Variants in CREB5 observed in about 807,000 individuals in gnomAD.
The protein encoded by CREB5 is cAMP responsive element binding protein 5, also known as cyclic AMP-responsive element-binding protein 5.
A neutral mutation model predicts 57.1 loss-of-function variants in CREB5; 19 were observed. That is an observed-to-expected ratio of 0.33 (90% CI 0.23 to 0.49). The LOEUF is 0.49. CREB5 is among the 20% of genes least tolerant of loss of function. CREB5 has a pLI of 0.99. For missense variants in CREB5, 579 were observed against 671.6 expected (o/e 0.86, Z 1.52); for synonymous variants, 238 against 238.3 (o/e 1.00, Z 0.01).
chr7:28,583,287 C>T (rs1186129373), intron 5 of CREB5, among the ~76,000 whole-genome samples: 1 of 152,142 alleles, frequency 6.6e-6, no homozygotes, highest in African/African-American at 2.4e-5. Context: ...AAAGCAAGTA[C>T]CATCTTAAAG....
intron 4 of CREB5, among the ~76,000 whole-genome samples, chr7:28,551,191 A>G (rs1504055): frequency 0.34 from 51,953 of 151,754 alleles, 9,311 homozygotes; most frequent in Non-Finnish European, 0.38. Flanking sequence ...AAAAATCAGT[A>G]TAATCTCCTC....
intron 5 of CREB5, among the ~76,000 whole-genome samples, chr7:28,572,194 G>A (rs1554346143): frequency 6.6e-6 from 1 of 152,138 alleles, no homozygotes; most frequent in Non-Finnish European, 1.5e-5. Flanking sequence ...ATGGGTAATG[G>A]GTAATGACCA....
At chr7:28,516,015 C>G (rs921869791) in intron 4 of CREB5, among the ~76,000 whole-genome samples, 2 of 151,740 alleles carry the variant, frequency 1.3e-5, no homozygotes, top group Non-Finnish European at 2.9e-5. Flanking sequence ...TAAGATTAGC[C>G]TTGGCAACAT....
chr7:28,581,141 A>C (rs1796107271), intron 5 of CREB5, among the ~76,000 whole-genome samples: 1 of 152,234 alleles, frequency 6.6e-6, no homozygotes, highest in South Asian at 2.1e-4. Context: ...CCCCAGCCAA[A>C]AAGCAGCAAG....
intron 1 of CREB5, among the ~76,000 whole-genome samples, chr7:28,337,104 G>A (rs1454586019): frequency 6.6e-6 from 1 of 151,966 alleles, no homozygotes; most frequent in Non-Finnish European, 1.5e-5. Flanking sequence ...GACTTGTTTT[G>A]TGGCCTAACA....
intron 5 of CREB5, among the ~76,000 whole-genome samples, chr7:28,690,386 G>A (rs952154540): frequency 7.2e-5 from 11 of 152,106 alleles, no homozygotes; most frequent in Admixed American, 1.3e-4. Flanking sequence ...CTTCCTCCTC[G>A]CCCTCACATG....
At chr7:28,347,655 T>C (rs971482574) in intron 1 of CREB5, among the ~76,000 whole-genome samples, 1 of 152,106 alleles carries the variant, frequency 6.6e-6, no homozygotes, top group African/African-American at 2.4e-5. Flanking sequence ...AGTGTCCAGG[T>C]TTCAATAGCT....
chr7:28,632,269 T>G (rs1485397162), intron 5 of CREB5, among the ~76,000 whole-genome samples: 1 of 152,168 alleles, frequency 6.6e-6, no homozygotes, highest in Non-Finnish European at 1.5e-5. Context: ...GGAACAGAAC[T>G]TCCTCCCTCT....
At chr7:28,506,634 C>T (rs1305473377) in intron 3 of CREB5, among the ~76,000 whole-genome samples, 1 of 152,190 alleles carries the variant, frequency 6.6e-6, no homozygotes, top group African/African-American at 2.4e-5. Flanking sequence ...AGGCTTTCTT[C>T]CGTGGTCCTT....
chr7:28,393,249 G>A lies in CREB5; in HGVS notation c.-25+93808G>A, dbSNP rs532718835. 2.0e-5 allele frequency among the ~76,000 whole-genome samples: 3 copies of A among 152,168 alleles called. No individual in the cohort carries two copies. In the East Asian group the frequency reaches 5.8e-4, roughly 29 times the overall value. ...AGCCATAGCAATGTTTTTAAGTCAA[G>A]AAATTTCAAATATTTTTACTGAGTC... On this transcript the variant is annotated intron_variant, in intron 1 of 9. Transcript: ENST00000396299.
intron 5 of CREB5, among the ~76,000 whole-genome samples, chr7:28,649,704 T>C (rs1213832445): frequency 5.9e-5 from 9 of 152,216 alleles, no homozygotes; most frequent in African/African-American, 2.2e-4. Context: ...GAATGGACCA[T>C]ATCTTATTAT....
intron 4 of CREB5, among the ~76,000 whole-genome samples, chr7:28,511,275 A>C (rs1321702587): frequency 6.6e-6 from 1 of 151,948 alleles, no homozygotes; most frequent in Non-Finnish European, 1.5e-5. Flanking sequence ...GGTCTGAACC[A>C]GGTACGTACT....
At chr7:28,466,000 G>A (rs914487252) in intron 1 of CREB5, among the ~76,000 whole-genome samples, 1 of 152,106 alleles carries the variant, frequency 6.6e-6, no homozygotes, top group African/African-American at 2.4e-5. Context: ...CCTCACTGGG[G>A]CAGAAACAGT....
intron 7 of CREB5, among the ~76,000 whole-genome samples, chr7:28,791,186 G>A (rs1386673956): frequency 6.6e-6 from 1 of 152,164 alleles, no homozygotes; most frequent in African/African-American, 2.4e-5. Context: ...AGCTTCTTTT[G>A]AGTTTGGAAT....
chr7:28,323,728 C>T (rs765048861), intron 1 of CREB5, among the ~76,000 whole-genome samples: 2 of 152,114 alleles, frequency 1.3e-5, no homozygotes, highest in Admixed American at 6.5e-5. Flanking sequence ...GGGATGGTTT[C>T]GGGATTATTC....
intron 5 of CREB5, among the ~76,000 whole-genome samples, chr7:28,656,141 T>A (rs939178727): frequency 9.2e-5 from 14 of 152,192 alleles, no homozygotes; most frequent in Non-Finnish European, 1.9e-4. Context: ...TGTGGACTGG[T>A]CACATAACAA....
At chr7:28,687,584 G>T (rs549923068) in intron 5 of CREB5, among the ~76,000 whole-genome samples, 1 of 150,282 alleles carries the variant, frequency 6.7e-6, no homozygotes, top group East Asian at 2.0e-4. Context: ...AAACAAGAGG[G>T]CAAACACTTT....
chr7:28,686,692 C>T (rs1260322384), intron 5 of CREB5, among the ~76,000 whole-genome samples: 5 of 152,054 alleles, frequency 3.3e-5, no homozygotes, highest in Admixed American at 2.6e-4. Context: ...AATGTGAGAG[C>T]GAGGGGGTCA....
intron 4 of CREB5, among the ~76,000 whole-genome samples, chr7:28,561,231 C>T (rs1795260955): frequency 6.6e-6 from 1 of 152,098 alleles, no homozygotes; most frequent in Admixed American, 6.5e-5. Context: ...TTGTATTAGG[C>T]CCTGAGGACA....
Sources: allele counts gnomAD v4.1 joint callset (sites outside exome capture counted in the v4.1 genomes callset), GRCh38; gene constraint gnomAD v4.1.1; transcripts MANE v1.5; gene names NCBI Gene and HGNC (gene_info 2026-07-23, HGNC 2026-07-21).